The following HPSE2 variants were observed in gnomAD, a reference collection of about 807,000 sequenced individuals.
HPSE2 encodes inactive heparanase-2.
In HPSE2, 38 loss-of-function variants were observed where a neutral mutation model predicts 60.5. The ratio of observed to expected loss-of-function variants is 0.63; its 90% CI spans 0.48 to 0.82. The LOEUF is 0.82. Ranked by LOEUF, HPSE2 falls within the 40% of genes least tolerant of loss-of-function variation. The pLI, the probability that HPSE2 is intolerant of heterozygous loss-of-function variation, is 0.00. For synonymous variants in HPSE2, 295 were observed against 293.2 expected (o/e 1.01, Z -0.06); for missense variants, 713 against 740.4 (o/e 0.96, Z 0.43).
the HPSE2 span, among the ~76,000 whole-genome samples, chr10:99,248,036 G>A: frequency 1.3e-5 from 2 of 152,148 alleles, no homozygotes; most frequent in East Asian, 1.9e-4. Flanking sequence ...CCAGTTTGGG[G>A]TATTTCTTTA....
intron 3 of HPSE2, among the ~76,000 whole-genome samples, chr10:98,799,375 A>G (rs986529486): frequency 6.6e-6 from 1 of 152,208 alleles, no homozygotes; most frequent in Non-Finnish European, 1.5e-5. Context: ...CATTGGACAG[A>G]TCTCTCAGAT....
intron 6 of HPSE2, among the ~76,000 whole-genome samples, chr10:98,686,273 G>A (rs1947913411): frequency 1.3e-5 from 2 of 152,136 alleles, no homozygotes; most frequent in Admixed American, 1.3e-4. Flanking sequence ...TCTCACATAA[G>A]CATATTAGAC....
At chr10:99,159,872 G>A (rs1443215354) in intron 2 of HPSE2, among the ~76,000 whole-genome samples, 1 of 152,172 alleles carries the variant, frequency 6.6e-6, no homozygotes, top group Non-Finnish European at 1.5e-5. Flanking sequence ...CAGGCATGGT[G>A]GCTCACATCT....
At chr10:98,726,062 T>C (rs929572827) in intron 4 of HPSE2, among the ~76,000 whole-genome samples, 4 of 152,222 alleles carry the variant, frequency 2.6e-5, no homozygotes, top group African/African-American at 9.6e-5. Context: ...TCAACCATTG[T>C]GGAAGTTGGT....
chr10:99,201,819 C>T (rs1848584142), intron 2 of HPSE2, among the ~76,000 whole-genome samples: 1 of 152,086 alleles, frequency 6.6e-6, no homozygotes, highest in African/African-American at 2.4e-5. Flanking sequence ...TCCAAGAAAA[C>T]CTTATTTCTC....
rs532785062 is a variant in HPSE2 at position 98,552,843 on chromosome 10, C to G, written c.1320+62061G>C. Among the ~76,000 whole-genome samples, 5 of 152,178 alleles carry G rather than the reference C, an allele frequency of 3.3e-5. No homozygotes were observed. The South Asian group carries it at 8.3e-4, about 25-fold the overall frequency. ...TTTGAACCTCAAAGACATCCCATAT[C>G]AGCCTCTTCTATAACATTTATTTTA... is the stretch of plus-strand genomic sequence containing the variant. On this transcript the variant is annotated intron_variant, in intron 9 of 11. Transcript: ENST00000370552.
chr10:98,561,945 A>T (rs918844629), intron 9 of HPSE2, among the ~76,000 whole-genome samples: 8 of 152,216 alleles, frequency 5.3e-5, no homozygotes, highest in African/African-American at 1.4e-4. Flanking sequence ...TAAATTCAGT[A>T]GTGTATAGTA....
intron 3 of HPSE2, among the ~76,000 whole-genome samples, chr10:98,804,208 TAAG>T (rs1400095716): frequency 6.6e-6 from 1 of 152,060 alleles, no homozygotes; most frequent in Admixed American, 6.6e-5. Context: ...CTTATCAGCT[TAAG>T]GAGATTTTGG....
chr10:98,638,465 A>AC (rs1376460318), intron 7 of HPSE2, among the ~76,000 whole-genome samples: 1 of 152,198 alleles, frequency 6.6e-6, no homozygotes, highest in South Asian at 2.1e-4. Flanking sequence ...AAATTAAAAA[A>AC]ACATAAAACC....
intron 5 of HPSE2, among the ~76,000 whole-genome samples, chr10:98,706,009 A>G (rs1398732998): frequency 6.6e-6 from 1 of 152,214 alleles, no homozygotes; most frequent in Non-Finnish European, 1.5e-5. Flanking sequence ...ACATTAATAG[A>G]GCTTTGTCAT....
intron 9 of HPSE2, among the ~76,000 whole-genome samples, chr10:98,575,633 T>TA (rs530645860): frequency 1.6e-4 from 24 of 152,124 alleles, no homozygotes; most frequent in Non-Finnish European, 3.4e-4. Flanking sequence ...ATTTTATGAA[T>TA]AAAAAAATAA....
intron 6 of HPSE2, among the ~76,000 whole-genome samples, chr10:98,670,201 C>T (rs1017543884): frequency 6.6e-6 from 1 of 152,142 alleles, no homozygotes; most frequent in East Asian, 1.9e-4. Flanking sequence ...GCAGGCCACT[C>T]TAAGGGCTTT....
At chr10:98,923,365 G>C (rs1448917271) in intron 3 of HPSE2, among the ~76,000 whole-genome samples, 1 of 151,962 alleles carries the variant, frequency 6.6e-6, no homozygotes, top group African/African-American at 2.4e-5. Context: ...AAATGCCTTG[G>C]GGTAGTCTTC....
chr10:99,147,705 T>A (rs765535961), intron 2 of HPSE2, among the ~76,000 whole-genome samples: 3 of 152,192 alleles, frequency 2.0e-5, no homozygotes, highest in African/African-American at 4.8e-5. Context: ...ATATGCTGTA[T>A]CTAAAGTAAA....
chr10:99,005,733 C>T (rs1956876443), intron 3 of HPSE2, among the ~76,000 whole-genome samples: 1 of 152,048 alleles, frequency 6.6e-6, no homozygotes, highest in Non-Finnish European at 1.5e-5. Flanking sequence ...GTCATGTTTC[C>T]TCTTATCTTA....
intron 3 of HPSE2, among the ~76,000 whole-genome samples, chr10:99,044,889 A>G (rs929994596): frequency 1.3e-5 from 2 of 152,162 alleles, no homozygotes; most frequent in African/African-American, 4.8e-5. Context: ...GGCCCACAAA[A>G]AGACTTAAGA....
chr10:98,854,352 CTGTTTTGTTTT>C (rs1277285873), intron 3 of HPSE2, among the ~76,000 whole-genome samples: 2 of 152,118 alleles, frequency 1.3e-5, no homozygotes, highest in South Asian at 2.1e-4. Context: ...AGACTGAAAT[CTGTTTTGTTTT>C]TGTTTTGTTT....
chr10:99,267,362 C>A, the HPSE2 span, among the ~76,000 whole-genome samples: 1 of 151,910 alleles, frequency 6.6e-6, no homozygotes, highest in Non-Finnish European at 1.5e-5. Context: ...GCAATAGAAT[C>A]AAACAAGCAG....
At chr10:98,967,509 T>G (rs1388574669) in intron 3 of HPSE2, among the ~76,000 whole-genome samples, 1 of 152,168 alleles carries the variant, frequency 6.6e-6, no homozygotes, top group African/African-American at 2.4e-5. Flanking sequence ...TCATGAGATA[T>G]TTGTACGTTT....
Sources: gnomAD v4.1 joint callset for allele counts (sites outside exome capture counted in the v4.1 genomes callset) on GRCh38, gnomAD v4.1.1 for gene constraint, MANE v1.5 for transcripts, NCBI Gene and HGNC (gene_info 2026-07-23, HGNC 2026-07-21) for gene names.